The following FOXJ3 variants were observed in gnomAD, a reference collection of about 807,000 sequenced individuals.
The protein encoded by FOXJ3 is forkhead box J3, also known as forkhead box protein J3.
FOXJ3 carries 22 observed loss-of-function variants against 76.1 expected under a neutral mutation model. The observed-to-expected ratio is 0.29, with a 90% CI of 0.21 to 0.41. FOXJ3 has a LOEUF of 0.41. Among genes scored for constraint, FOXJ3 ranks in the 10% least tolerant of loss-of-function variants. The pLI is 1.00. For missense variants in FOXJ3, 613 were observed against 762.1 expected, an observed-to-expected ratio of 0.80 and a Z score of 2.30; for synonymous variants, 269 against 261.2, an observed-to-expected ratio of 1.03 and a Z score of -0.29.
chr1:42,270,545 TTACTTCAG>T (rs1374270651), intron 3 of FOXJ3, among the ~76,000 whole-genome samples: 1 of 151,960 alleles, frequency 6.6e-6, no homozygotes, highest in African/African-American at 2.4e-5. Flanking sequence ...AGAAAAGAGG[TTACTTCAG>T]ACCTTACAGC....
At chr1:42,324,653 G>A (rs903788548) in intron 1 of FOXJ3, among the ~76,000 whole-genome samples, 3 of 152,020 alleles carry the variant, frequency 2.0e-5, no homozygotes, top group African/African-American at 7.3e-5. Context: ...ATTGCTTCTA[G>A]GCTACAAGCT....
intron 11 of FOXJ3, among the ~76,000 whole-genome samples, chr1:42,185,414 C>A (rs187498773): frequency 6.6e-6 from 1 of 151,702 alleles, no homozygotes; most frequent in Non-Finnish European, 1.5e-5. Flanking sequence ...CCTGCCACCA[C>A]GCCTGGCTAA....
intron 4 of FOXJ3, among the ~76,000 whole-genome samples, chr1:42,231,414 T>C (rs1648102628): frequency 6.6e-6 from 1 of 152,120 alleles, no homozygotes; most frequent in Non-Finnish European, 1.5e-5. Flanking sequence ...TGATTCCACT[T>C]ATAAGTACTA....
intron 4 of FOXJ3, chr1:42,264,822 T>C: frequency 3.1e-6 from 1 of 325,226 alleles, no homozygotes; most frequent in South Asian, 3.9e-5. Flanking sequence ...TTATATGTAA[T>C]AATGAATTAT....
At chr1:42,302,961 A>C (rs1361191185) in intron 2 of FOXJ3, among the ~76,000 whole-genome samples, 1 of 150,140 alleles carries the variant, frequency 6.7e-6, no homozygotes, top group African/African-American at 2.5e-5. Flanking sequence ...ATCAATTTTA[A>C]ACAAGATTTT....
At chr1:42,202,544 GT>G (rs1417934597) in intron 6 of FOXJ3, among the ~76,000 whole-genome samples, 1 of 152,182 alleles carries the variant, frequency 6.6e-6, no homozygotes, top group African/African-American at 2.4e-5. Flanking sequence ...AACTATGTGG[GT>G]AAATGTAAAG....
intron 2 of FOXJ3, among the ~76,000 whole-genome samples, chr1:42,297,386 C>G (rs77872829): frequency 0.023 from 3,460 of 152,242 alleles, 137 homozygotes; most frequent in African/African-American, 0.079. Flanking sequence ...TCCCTTTCAA[C>G]ATGATGTTGT....
At chr1:42,234,378 C>G (rs1430434695) in intron 4 of FOXJ3, among the ~76,000 whole-genome samples, 1 of 152,118 alleles carries the variant, frequency 6.6e-6, no homozygotes, top group African/African-American at 2.4e-5. Context: ...GTTTGATCGT[C>G]TGAAGCCTTC....
At position 42,199,166 on chromosome 1, in the gene FOXJ3, A is replaced by G. The variant is rs1646710365; in HGVS notation, c.695T>C (p.Leu232Pro). ...DSPRSSLNNS[L>P]SDQSLASVNL... ...AACAGATGCCAAACTCTGGTCTGAG[A>G]GACTGTTGTTAAGGCTACTGCGTGG... is the stretch of plus-strand genomic sequence containing the variant. The change falls in exon 7 of 13, where the codon CTC (leucine) becomes CCC (proline). Residue 232 changes from leucine (L) to proline (P), a missense_variant. Leu to Pro is a moderately conservative substitution (Grantham distance 98). This residue lies in a region of FOXJ3 where 526 missense variants were observed against 601.4 expected (regional missense o/e 0.87). Coordinates refer to ENST00000361346, the MANE Select transcript of FOXJ3 (RefSeq NM_014947.5). The G allele has an allele frequency of 6.2e-7, 1 of 1,612,992 alleles. No homozygotes were observed. The highest frequency in any genetic ancestry group is 1.3e-5 in the African/African-American group (1 of 74,908).
At chr1:42,248,730 CTTTTT>C (rs4019587) in intron 4 of FOXJ3, among the ~76,000 whole-genome samples, 16 of 92,238 alleles carry the variant, frequency 1.7e-4, no homozygotes, top group East Asian at 7.2e-4. Context: ...CCTGTTTTTT[CTTTTT>C]TTTTTTTTTT....
chr1:42,304,536 T>TAC (rs1341823507), intron 2 of FOXJ3, among the ~76,000 whole-genome samples: 3 of 152,262 alleles, frequency 2.0e-5, no homozygotes, highest in Admixed American at 1.3e-4. Context: ...AACAGTACGG[T>TAC]ACTGGCATAA....
chr1:42,310,127 A>G (rs908051325), intron 2 of FOXJ3, among the ~76,000 whole-genome samples: 2 of 152,024 alleles, frequency 1.3e-5, no homozygotes, highest in Admixed American at 6.6e-5. Flanking sequence ...TTCTAATTAA[A>G]TTGAGTAGAA....
chr1:42,179,231 T>A lies in FOXJ3; in HGVS notation c.*479A>T, dbSNP rs1336431478. The A allele has an allele frequency of 6.6e-6, 1 of 152,662 alleles. No individual in the cohort carries two copies. The highest frequency in any genetic ancestry group is 1.9e-4 in the East Asian group (1 of 5,196). The allele number at this position is 152,662 out of a possible 1,614,324, so 9.5% of individuals were successfully genotyped here. A position where few individuals can be genotyped will look rare whatever the true frequency, so the allele number is the denominator to read the frequency against. On this transcript the variant is annotated 3_prime_UTR_variant, in exon 13 of 13. Coordinates refer to ENST00000361346, the MANE Select transcript of FOXJ3 (RefSeq NM_014947.5). The stretch of plus-strand genomic sequence containing the variant: ...ATCTATTTCCTTTCAGTTTCCTACA[T>A]CAGTTAAAAGCATCCTGCAGAAAAT...
intron 11 of FOXJ3, among the ~76,000 whole-genome samples, chr1:42,185,393 G>C (rs1052030155): frequency 5.9e-5 from 9 of 151,498 alleles, no homozygotes; most frequent in Middle Eastern, 6.8e-3. Context: ...GAGTAGCCGG[G>C]ACTACAGGCG....
chr1:42,190,846 T>G (rs145005685), intron 9 of FOXJ3, among the ~76,000 whole-genome samples: 29 of 152,344 alleles, frequency 1.9e-4, no homozygotes, highest in East Asian at 1.5e-3. Context: ...CCTACCCACT[T>G]AGCAAATGTC....
rs752314583 is a variant in FOXJ3, at chr1:42,278,390, A to G, written c.327T>C (p.Cys109=). The G allele has an allele frequency of 6.2e-7, 1 of 1,613,950 alleles. No individual in the cohort carries two copies. The highest frequency in any genetic ancestry group is 8.5e-7 in the Non-Finnish European group (1 of 1,179,830). Residue 109 remains cysteine (C), a synonymous_variant, in exon 3 of 13, where the codon TGT becomes TGC. Coordinates refer to ENST00000361346, the MANE Select transcript of FOXJ3 (RefSeq NM_014947.5). ...CCTCTCTATAATATGGGAAGTTATC[A>G]CAAATCCACTGATAAATTTCACTTA... ...MTLSEIYQWI[C]DNFPYYREAG...
chr1:42,229,627 C>T (rs1180958024), intron 4 of FOXJ3, among the ~76,000 whole-genome samples: 1 of 152,082 alleles, frequency 6.6e-6, no homozygotes, highest in Non-Finnish European at 1.5e-5. Flanking sequence ...TACATTTCAG[C>T]TAAGGAGTCT....
At chr1:42,253,600 T>C (rs1471495079) in intron 4 of FOXJ3, among the ~76,000 whole-genome samples, 1 of 151,472 alleles carries the variant, frequency 6.6e-6, no homozygotes, top group Admixed American at 6.6e-5. Context: ...AGCATGGTAC[T>C]GGTACCAAAA....
At chr1:42,217,624 C>A (rs1048988532) in intron 5 of FOXJ3, among the ~76,000 whole-genome samples, 1 of 152,038 alleles carries the variant, frequency 6.6e-6, no homozygotes, top group Non-Finnish European at 1.5e-5. Flanking sequence ...AACCAAAAAA[C>A]ACTCCTCAGA....
Sources: gnomAD v4.1 joint callset for allele counts (sites outside exome capture counted in the v4.1 genomes callset) on GRCh38, gnomAD v4.1.1 for gene constraint, gnomAD v4.1.1 regional missense constraint, MANE v1.5 for transcripts, NCBI Gene and HGNC (gene_info 2026-07-23, HGNC 2026-07-21) for gene names.